Variants in MLPH observed in about 807,000 individuals in gnomAD.
The protein encoded by MLPH is exophilin-3.
In MLPH, 51 loss-of-function variants were observed where a neutral mutation model predicts 72.1. That is an observed-to-expected ratio of 0.71 (90% CI 0.56 to 0.89). The LOEUF (loss-of-function observed/expected upper bound fraction) is 0.89, where lower values mean the gene tolerates loss of function less well. Among genes scored for constraint, MLPH ranks in the 40% least tolerant of loss-of-function variants. The pLI is 0.00. For synonymous variants in MLPH, 301 were observed against 310.1 expected (o/e 0.97, Z 0.31); for missense variants, 743 against 759.9 (o/e 0.98, Z 0.26).
intron 8 of MLPH, among the ~76,000 whole-genome samples, chr2:237,528,728 A>T (rs758745002): frequency 6.6e-6 from 1 of 152,126 alleles, no homozygotes; most frequent in Non-Finnish European, 1.5e-5. Flanking sequence ...CCCCCAAAAA[A>T]ATCCCATACC....
intron 2 of MLPH, among the ~76,000 whole-genome samples, chr2:237,496,782 T>C (rs1457520306): frequency 6.6e-6 from 1 of 152,190 alleles, no homozygotes; most frequent in Non-Finnish European, 1.5e-5. Context: ...TAGAGTACTG[T>C]GTTGAAAATG....
chr2:237,548,140 C>T (rs1253557424), intron 13 of MLPH, among the ~76,000 whole-genome samples: 7 of 152,212 alleles, frequency 4.6e-5, no homozygotes, highest in Admixed American at 4.6e-4. Flanking sequence ...AGGGGGTGAG[C>T]TTGATCAAGA....
At chr2:237,529,244 T>C (rs2080370121) in intron 8 of MLPH, among the ~76,000 whole-genome samples, 1 of 152,128 alleles carries the variant, frequency 6.6e-6, no homozygotes, top group Non-Finnish European at 1.5e-5. Context: ...GGTTTCACCA[T>C]GCTGACCAGT....
chr2:237,540,966 G>T lies in MLPH; in HGVS notation c.1446+9G>T. ...AGCAGGCAGAGAGCGAGGTAGCCCA[G>T]AAGGCACAGGGGAGCACTGAGTTCC... is the stretch of plus-strand genomic sequence containing the variant. On this transcript the variant is annotated intron_variant, in intron 11 of 15. Coordinates refer to ENST00000264605, the MANE Select transcript of MLPH (RefSeq NM_024101.7). 6.3e-7 allele frequency: 1 copy of T among 1,597,256 alleles called. No homozygotes were observed. The highest frequency in any genetic ancestry group is 1.1e-5 in the South Asian group (1 of 89,048).
intron 8 of MLPH, among the ~76,000 whole-genome samples, chr2:237,534,053 G>C (rs1366529573): frequency 6.6e-6 from 1 of 152,172 alleles, no homozygotes; most frequent in Non-Finnish European, 1.5e-5. Flanking sequence ...TAGACTTTGG[G>C]TGACTCAAGA....
chr2:237,519,451 G>C (rs956484625), intron 5 of MLPH, among the ~76,000 whole-genome samples: 1 of 152,232 alleles, frequency 6.6e-6, no homozygotes, highest in African/African-American at 2.4e-5. Context: ...TAATGAAATA[G>C]GGGTTTAGAA....
At chr2:237,539,286 G>A (rs80282956) in intron 9 of MLPH, among the ~76,000 whole-genome samples, 20,485 of 152,194 alleles carry the variant, frequency 0.13, 1,545 homozygotes, top group African/African-American at 0.17. Context: ...GGAGAGCAGC[G>A]AAGGTGGTGC....
intron 1 of MLPH, among the ~76,000 whole-genome samples, chr2:237,489,952 C>T (rs188873078): frequency 1.3e-5 from 2 of 152,354 alleles, no homozygotes; most frequent in East Asian, 3.9e-4. Flanking sequence ...CCCTGTGTCC[C>T]GTCCCTCTGC....
intron 14 of MLPH, among the ~76,000 whole-genome samples, chr2:237,551,809 C>A (rs2081046301): frequency 6.6e-6 from 1 of 151,940 alleles, no homozygotes; most frequent in Non-Finnish European, 1.5e-5. Flanking sequence ...GAAACCCCAT[C>A]TCTACTAAAA....
chr2:237,553,176 C>T (rs1412497118), intron 15 of MLPH: 1 of 480,160 alleles, frequency 2.1e-6, no homozygotes, highest in South Asian at 1.6e-5. Context: ...CAAAGTTACA[C>T]ATGAAGACTT....
At chr2:237,545,309 C>T (rs984063501) in intron 12 of MLPH, 6 of 554,768 alleles carry the variant, frequency 1.1e-5, no homozygotes, top group African/African-American at 2.0e-5. Flanking sequence ...ACAGCACACA[C>T]GCCACCGTGG....
chr2:237,501,663 C>CCAA lies in MLPH; in HGVS notation c.110+8127_110+8128insCAA. ...CTAACATAGTGAAACCACGTCTCTA[C>CCAA]TAAAAAAAAAAAAAAAAAAAAAAAA... On this transcript the variant is annotated intron_variant, in intron 2 of 15. Transcript: ENST00000264605. 2.0e-5 allele frequency among the ~76,000 whole-genome samples: 2 copies of CCAA among 101,670 alleles called. 1 individual carries two copies. Among genetic ancestry groups the CCAA allele is most frequent in the African/African-American group, 6.9e-5 (2 of 28,882 alleles). 66.7% of individuals were successfully genotyped at this position (101,670 alleles called of 152,430 possible). A position where few individuals can be genotyped will look rare whatever the true frequency, so the allele number is the denominator to read the frequency against.
At chr2:237,507,062 CTTTTTTTTTT>C (rs61091364) in intron 2 of MLPH, among the ~76,000 whole-genome samples, 15 of 94,528 alleles carry the variant, frequency 1.6e-4, no homozygotes, top group Middle Eastern at 6.2e-3. Flanking sequence ...TTTTTTTTTT[CTTTTTTTTTT>C]TTTTTTTTTT....
At chr2:237,499,088 T>TG (rs111904317) in intron 2 of MLPH, among the ~76,000 whole-genome samples, 18,288 of 152,048 alleles carry the variant, frequency 0.12, 3,389 homozygotes, top group African/African-American at 0.4. Context: ...CCGGAGGGTT[T>TG]CGTCCATATG....
chr2:237,542,238 A>G (rs1385322697), intron 11 of MLPH, among the ~76,000 whole-genome samples: 1 of 152,088 alleles, frequency 6.6e-6, no homozygotes, highest in Non-Finnish European at 1.5e-5. Context: ...GGTGAAGAGT[A>G]GCCACTACTG....
rs186007833 is a variant in MLPH at position 237,540,954 on chromosome 2, C to T, written c.1443C>T (p.Ser481=). Reference sequence around the variant, plus strand: ...CCTCAGAAGTCCAGCAGGCAGAGAGCGAGGTAGCCCAGAAGGCACAGGGGA... The same window carrying T: ...CCTCAGAAGTCCAGCAGGCAGAGAGTGAGGTAGCCCAGAAGGCACAGGGGA... ...VTASEVQQAE[S]EVSDIESRIA... Residue 481 remains serine (S), a synonymous_variant, in exon 11 of 16, where the codon AGC becomes AGT. Coordinates refer to ENST00000264605, the MANE Select transcript of MLPH (RefSeq NM_024101.7). The T allele has an allele frequency of 6.2e-6, 10 of 1,602,708 alleles. No individual in the cohort carries two copies. The highest frequency in any genetic ancestry group is 4.0e-5 in the African/African-American group (3 of 74,870).
At chr2:237,540,713 A>G in intron 10 of MLPH, 89 bp from the exon 11 acceptor site, 3 of 1,556,014 alleles carry the variant, frequency 1.9e-6, no homozygotes, top group Non-Finnish European at 2.6e-6. Context: ...GGGTTCAGAG[A>G]GGAGAGCAAT....
At chr2:237,550,884 G>T (rs143293078) in intron 14 of MLPH, among the ~76,000 whole-genome samples, 1 of 152,266 alleles carries the variant, frequency 6.6e-6, no homozygotes, top group African/African-American at 2.4e-5. Context: ...GACAAGGGGC[G>T]ATTCCTTGTG....
intron 5 of MLPH, among the ~76,000 whole-genome samples, chr2:237,519,494 G>A (rs1460770379): frequency 1.3e-5 from 2 of 152,188 alleles, no homozygotes; most frequent in Non-Finnish European, 2.9e-5. Flanking sequence ...AAAGAACAAG[G>A]AACTATCAGG....
Sources: gnomAD v4.1 joint callset for allele counts (sites outside exome capture counted in the v4.1 genomes callset) on GRCh38, gnomAD v4.1.1 for gene constraint, MANE v1.5 for transcripts, NCBI Gene and HGNC (gene_info 2026-07-23, HGNC 2026-07-21) for gene names.